The following NFATC1 variants were observed in gnomAD, a reference collection of about 807,000 sequenced individuals.
The protein encoded by NFATC1 is nuclear factor of activated T-cells, cytoplasmic 1.
NFATC1 carries 22 observed loss-of-function variants against 76.0 expected under a neutral mutation model. That is an observed-to-expected ratio of 0.29 (90% CI 0.21 to 0.41). NFATC1 has a LOEUF of 0.41. NFATC1 is among the 10% of genes least tolerant of loss of function. The pLI is 1.00. For missense variants in NFATC1, 1,357 were observed against 1,337.7 expected, an observed-to-expected ratio of 1.01 and a Z score of -0.23; for synonymous variants, 704 against 613.1, an observed-to-expected ratio of 1.15 and a Z score of -2.19.
At chr18:79,469,163 G>A in intron 8 of NFATC1, 1 of 298,888 alleles carries the variant, frequency 3.3e-6, no homozygotes, top group Non-Finnish European at 4.9e-6. Flanking sequence ...ATATCTTACA[G>A]AAGAAAATAT....
chr18:79,399,795 C>G (rs1235756679), intron 1 of NFATC1, among the ~76,000 whole-genome samples: 4 of 152,090 alleles, frequency 2.6e-5, no homozygotes, highest in African/African-American at 9.7e-5. Context: ...GCGCCACGAA[C>G]CCAGCGGGAA....
chr18:79,447,046 G>A (rs2087237530), intron 3 of NFATC1, among the ~76,000 whole-genome samples: 1 of 152,190 alleles, frequency 6.6e-6, no homozygotes, highest in South Asian at 2.1e-4. Flanking sequence ...GCTTCACTGT[G>A]GCCTCGTCCC....
intron 9 of NFATC1, among the ~76,000 whole-genome samples, chr18:79,509,459 GGAGGA>G (rs1257873486): frequency 6.6e-6 from 1 of 152,216 alleles, no homozygotes; most frequent in Non-Finnish European, 1.5e-5. Context: ...AGAGGGCGTG[GGAGGA>G]GAGGAGAGCA....
At chr18:79,453,088 C>T (rs1389223726) in intron 6 of NFATC1, among the ~76,000 whole-genome samples, 1 of 152,222 alleles carries the variant, frequency 6.6e-6, no homozygotes, top group Non-Finnish European at 1.5e-5. Flanking sequence ...ACCGGGAAGG[C>T]ATTTGCATTG....
chr18:79,474,488 TCACA>T lies in NFATC1; in HGVS notation c.2092+6908_2092+6911del, dbSNP rs754252082. On this transcript the variant is annotated intron_variant, in intron 8 of 9. Transcript: ENST00000427363. Reference sequence around the variant, plus strand: ...TTGTAAACCTGAGGGAAGCGTGTTCTCACACTCACTGTCGACGTTGCAAGGGAAG... The same window carrying T: ...TTGTAAACCTGAGGGAAGCGTGTTCTCTCACTGTCGACGTTGCAAGGGAAG... 6.7e-5 allele frequency among the ~76,000 whole-genome samples: 10 copies of T among 149,934 alleles called. No individual in the cohort carries two copies. The East Asian group carries it at 1.2e-3, about 18-fold the overall frequency.
intron 9 of NFATC1, among the ~76,000 whole-genome samples, chr18:79,520,272 G>A (rs896381814): frequency 4.0e-5 from 6 of 151,892 alleles, no homozygotes; most frequent in Admixed American, 2.0e-4. Context: ...CTCGCGTGGC[G>A]TTGCTGCCTC....
chr18:79,456,047 G>A (rs765091708), intron 6 of NFATC1, among the ~76,000 whole-genome samples: 1 of 152,240 alleles, frequency 6.6e-6, no homozygotes, highest in Non-Finnish European at 1.5e-5. Context: ...ATGGGACCGT[G>A]ACCGGTGTGG....
chr18:79,527,219 G>A, intron 9 of NFATC1: 1 of 311,246 alleles, frequency 3.2e-6, no homozygotes, highest in Non-Finnish European at 6.1e-6. Context: ...GGTTCGTGGA[G>A]AGACAGCCAC....
Position 79,510,849 on chromosome 18 carries a change from T to C in NFATC1, c.2783-16679T>C, listed in dbSNP as rs416429. On this transcript the variant is annotated intron_variant, in intron 9 of 9. Coordinates refer to ENST00000427363, the MANE Select transcript of NFATC1 (RefSeq NM_001278669.2). The stretch of plus-strand genomic sequence containing the variant: ...GGGCATCCTCTGCCGGGGCATCCTC[T>C]GCCGGGGCATCCTCTGCCGGGGCAT... Among the ~76,000 whole-genome samples, 656 of 148,628 alleles carry C rather than the reference T, an allele frequency of 4.4e-3. 4 individuals are homozygous for C. Among genetic ancestry groups the C allele is most frequent in the African/African-American group, 0.016 (626 of 39,894 alleles).
chr18:79,484,698 G>T (rs1199494272), intron 8 of NFATC1, among the ~76,000 whole-genome samples: 1 of 152,236 alleles, frequency 6.6e-6, no homozygotes, highest in Non-Finnish European at 1.5e-5. Context: ...GAAAGCTCTG[G>T]TTGACTTCCT....
chr18:79,430,751 G>A (rs539679888), intron 2 of NFATC1, among the ~76,000 whole-genome samples: 6 of 152,308 alleles, frequency 3.9e-5, no homozygotes, highest in East Asian at 1.9e-4. Flanking sequence ...TGCCTGAGAC[G>A]GGCACCGCCT....
At chr18:79,424,633 GTC>G (rs1290802645) in intron 2 of NFATC1, among the ~76,000 whole-genome samples, 15 of 144,076 alleles carry the variant, frequency 1.0e-4, no homozygotes, top group African/African-American at 2.9e-4. Context: ...CTCTCCGTCT[GTC>G]TCTCTGTCTC....
intron 3 of NFATC1, 118 bp downstream of exon 3, chr18:79,433,856 G>C: frequency 2.3e-6 from 3 of 1,322,784 alleles, no homozygotes; most frequent in Non-Finnish European, 3.0e-6. Flanking sequence ...ATGCTCTGTC[G>C]TGGTTAGTCC....
intron 8 of NFATC1, 168 bp downstream of exon 8, chr18:79,467,750 A>G: frequency 3.9e-6 from 4 of 1,032,068 alleles, no homozygotes; most frequent in Non-Finnish European, 4.6e-6. Context: ...GGAAAGGAAA[A>G]GGGAAGCTTC....
chr18:79,420,745 G>A (rs562355118), intron 2 of NFATC1: 1 of 152,752 alleles, frequency 6.5e-6, no homozygotes, highest in South Asian at 2.0e-4. Flanking sequence ...CTGCAGAGAG[G>A]AAGAGGAGGA....
chr18:79,478,737 G>A (rs544638552), intron 8 of NFATC1, among the ~76,000 whole-genome samples: 3 of 152,326 alleles, frequency 2.0e-5, no homozygotes, highest in African/African-American at 4.8e-5. Flanking sequence ...GCCTGGAAAC[G>A]TCGTGCTCAC....
At chr18:79,423,492 G>A (rs912662228) in intron 2 of NFATC1, among the ~76,000 whole-genome samples, 2 of 152,222 alleles carry the variant, frequency 1.3e-5, no homozygotes, top group Non-Finnish European at 2.9e-5. Context: ...GATGGGGACA[G>A]CAGATCCTGC....
At position 79,410,917 on chromosome 18, in the gene NFATC1, C is replaced by T; in HGVS notation, c.642C>T (p.Thr214=). The T allele has an allele frequency of 6.2e-7, 1 of 1,606,706 alleles. No individual in the cohort carries two copies. The highest frequency in any genetic ancestry group is 8.5e-7 in the Non-Finnish European group (1 of 1,177,754). The change falls in exon 2 of 10, where the codon ACC becomes ACT. Residue 214 remains threonine (T), a synonymous_variant. Coordinates refer to ENST00000427363, the MANE Select transcript of NFATC1 (RefSeq NM_001278669.2). The surrounding 1 kb of genome is among the most constrained non-coding windows in gnomAD (Gnocchi z 6.7). ...PWQSPCVSPK[T]TDPEEGFPRG... is the part of the protein sequence containing the mutation. ...AGTCTCCCTGCGTGTCTCCCAAGAC[C>T]ACGGACCCCGAGGAGGGCTTTCCCC...
chr18:79,404,812 T>C (rs1194102247), intron 1 of NFATC1, among the ~76,000 whole-genome samples: 1 of 152,092 alleles, frequency 6.6e-6, no homozygotes, highest in East Asian at 1.9e-4. Context: ...CTGCGTGTCG[T>C]GAGGGGCAGG....
Sources: allele counts gnomAD v4.1 joint callset (sites outside exome capture counted in the v4.1 genomes callset), GRCh38; gene constraint gnomAD v4.1.1; non-coding constraint Gnocchi (gnomAD v3.1); transcripts MANE v1.5; gene names NCBI Gene and HGNC (gene_info 2026-07-23, HGNC 2026-07-21).